NAT10: variants seen among roughly 807,000 people sequenced by gnomAD.
NAT10 encodes RNA cytidine acetyltransferase.
A neutral mutation model predicts 132.2 loss-of-function variants in NAT10; 109 were observed. That is an observed-to-expected ratio of 0.82 (90% CI 0.71 to 0.97). NAT10 has a LOEUF of 0.97. NAT10 is among the 50% of genes least tolerant of loss of function. NAT10 has a pLI of 0.00. For missense variants in NAT10, 1,184 were observed against 1,263.4 expected, an observed-to-expected ratio of 0.94 and a Z score of 0.95; for synonymous variants, 479 against 478.0, an observed-to-expected ratio of 1.00 and a Z score of -0.03.
rs1243846904 is a variant in NAT10, at chr11:34,131,684, TTC to T, written c.1520+155_1520+156del. Among the ~76,000 whole-genome samples, 624 of 150,108 alleles carry T rather than the reference TTC, an allele frequency of 4.2e-3. 6 individuals carry two copies. The highest frequency in any genetic ancestry group is 0.015 in the African/African-American group (608 of 40,286). ...TCCTTTTTCTCTTCCTTTTTTTTTT[TTC>T]TTTCTTTTTTTTTTTTTTGAGATGG... On this transcript the variant is annotated intron_variant, in intron 14 of 28. Coordinates refer to ENST00000257829, the MANE Select transcript of NAT10 (RefSeq NM_024662.3).
Position 34,122,006 on chromosome 11 carries a change from T to C in NAT10, c.781-453T>C, listed in dbSNP as rs2132950263. The stretch of plus-strand genomic sequence containing the variant: ...GCCTGCCCAACATGGTGAAACCCTG[T>C]CTCTACTAAAAATATAAAAACTAGC... On this transcript the variant is annotated intron_variant, in intron 8 of 28. Transcript: ENST00000257829. Among the ~76,000 whole-genome samples, 2 of 151,750 alleles carry C rather than the reference T, an allele frequency of 1.3e-5. 1 individual carries two copies. The highest frequency in any genetic ancestry group is 4.2e-4 in the South Asian group (2 of 4,808).
At chr11:34,133,278 T>G (rs936239294) in intron 16 of NAT10, 136 bp downstream of exon 16, 3 of 693,344 alleles carry the variant, frequency 4.3e-6, no homozygotes, top group Non-Finnish European at 7.6e-6. Context: ...CTGGGTCTGC[T>G]GAGACAGGTG....
chr11:34,141,314 C>A, intron 25 of NAT10, 106 bp downstream of exon 25: 1 of 1,374,398 alleles, frequency 7.3e-7, no homozygotes, highest in Non-Finnish European at 1.0e-6. Context: ...GTGTTTGCTG[C>A]ATCTCGTCAC....
In NAT10 at chr11:34,140,568, A is replaced by G. The variant is rs1214198764; in HGVS notation, c.2588A>G (p.Gln863Arg). ...QLGDLALSAAQSALLLGIGLQ... is the reference protein window; with the variant it reads ...QLGDLALSAARSALLLGIGLQ... ...GGGGACCTGGCCCTGTCTGCGGCTCAGTCGGTATGCTATCTGTTGCTTGCG... is the reference window on the plus strand; with the variant it reads ...GGGGACCTGGCCCTGTCTGCGGCTCGGTCGGTATGCTATCTGTTGCTTGCG... Residue 863 changes from glutamine to arginine, a missense_variant, in exon 24 of 29, where the codon CAG (glutamine) becomes CGG (arginine). By Grantham distance (43) the Gln-to-Arg change is conservative. Transcript: ENST00000257829. The G allele has an allele frequency of 6.2e-7, 1 of 1,613,890 alleles. No homozygotes were observed. Among genetic ancestry groups the G allele is most frequent in the Non-Finnish European group, 8.5e-7 (1 of 1,179,822 alleles).
In NAT10 at chr11:34,113,736, A is replaced by G; in HGVS notation, c.393A>G (p.Pro131=). The G allele has an allele frequency of 6.2e-7, 1 of 1,613,504 alleles. No homozygotes were observed. Among genetic ancestry groups the G allele is most frequent in the East Asian group, 2.2e-5 (1 of 44,860 alleles). ...CVLQDFEALT[P]NLLARTVETV... is the part of the protein sequence containing the mutation. ...TCCAGGATTTTGAAGCCTTAACTCC[A>G]AACTTGCTGGCCAGGACTGTAGAAA... Residue 131 remains proline (P), a synonymous_variant, in exon 5 of 29, where the codon CCA becomes CCG. Transcript: ENST00000257829.
intron 6 of NAT10, 27 bp from the exon 7 acceptor site, chr11:34,118,153 C>A (rs1851817119): frequency 1.3e-6 from 2 of 1,569,580 alleles, no homozygotes; most frequent in Non-Finnish European, 1.8e-6. Context: ...CTCCCCAACA[C>A]TTCATTGCAG....
At position 34,134,330 on chromosome 11, in the gene NAT10, A is replaced by G; in HGVS notation, c.1746A>G (p.Glu582=). Residue 582 remains glutamate, a synonymous_variant, in exon 17 of 29, where the codon GAA becomes GAG. Coordinates refer to ENST00000257829, the MANE Select transcript of NAT10 (RefSeq NM_024662.3). ...TGCTTCCCCCACAGGTGTGCCTTGA[A>G]GGGGAGATTTCTCGCCAGTCCATCT... The part of the protein sequence containing the change: ...EVLAVIQVCL[E]GEISRQSILN... 6.2e-7 allele frequency: 1 copy of G among 1,614,106 alleles called. No individual in the cohort carries two copies. Among genetic ancestry groups the G allele is most frequent in the Non-Finnish European group, 8.5e-7 (1 of 1,179,988 alleles).
chr11:34,139,952 T>A (rs528339123), intron 23 of NAT10, among the ~76,000 whole-genome samples: 1 of 152,246 alleles, frequency 6.6e-6, no homozygotes, highest in African/African-American at 2.4e-5. Context: ...ATATTTTATA[T>A]ATAAATATTT....
chr11:34,131,876 G>A (rs1330355647), intron 14 of NAT10, among the ~76,000 whole-genome samples: 1 of 151,942 alleles, frequency 6.6e-6, no homozygotes, highest in Non-Finnish European at 1.5e-5. Context: ...AGTAGAGACA[G>A]GGTTTCACCA....
At position 34,127,458 on chromosome 11, in the gene NAT10, C is replaced by T. The variant is rs369713684; in HGVS notation, c.1108-5C>T. On this transcript the variant is annotated splice_polypyrimidine_tract_variant and splice_region_variant and intron_variant, in intron 11 of 28. Coordinates refer to ENST00000257829, the MANE Select transcript of NAT10 (RefSeq NM_024662.3). ...GCTAATAATCTAAATTTTCCTTCCCCATAGTATATACATCCTGCAGATGCT... is the reference window on the plus strand; with the variant it reads ...GCTAATAATCTAAATTTTCCTTCCCTATAGTATATACATCCTGCAGATGCT... 5.1e-4 allele frequency: 822 copies of T among 1,603,288 alleles called. No individual in the cohort carries two copies. Among genetic ancestry groups the T allele is most frequent in the Non-Finnish European group, 6.4e-4 (752 of 1,172,476 alleles).
intron 6 of NAT10, among the ~76,000 whole-genome samples, 175 bp from the exon 7 acceptor site, chr11:34,118,005 G>A (rs1265615934): frequency 6.6e-6 from 1 of 152,168 alleles, no homozygotes; most frequent in Non-Finnish European, 1.5e-5. Flanking sequence ...GTATGTTCAG[G>A]TGCCTTGTGG....
Position 34,132,137 on chromosome 11 carries a change from T to C in NAT10, c.1533T>C (p.Asn511=), listed in dbSNP as rs746796226. The change falls in exon 15 of 29, where the codon AAT becomes AAC. Residue 511 remains asparagine (N), a synonymous_variant. Transcript: ENST00000257829. ...ACTCCAGACCCAGGTACTATGTTAA[T>C]AGAGATACCCTCTTTTGCTACCACA... ...LPEACELYYV[N]RDTLFCYHKA... The C allele has an allele frequency of 1.2e-6, 2 of 1,613,566 alleles. No homozygotes were observed. Among genetic ancestry groups the C allele is most frequent in the Non-Finnish European group, 1.7e-6 (2 of 1,179,472 alleles).
intron 16 of NAT10, among the ~76,000 whole-genome samples, 164 bp from the exon 17 acceptor site, chr11:34,134,155 C>T (rs1590776957): frequency 6.6e-6 from 1 of 152,138 alleles, no homozygotes; most frequent in Non-Finnish European, 1.5e-5. Flanking sequence ...CAGAGTGAGA[C>T]TCCATCTCAA....
At chr11:34,116,375 C>T (rs958634363) in intron 6 of NAT10, among the ~76,000 whole-genome samples, 3 of 151,850 alleles carry the variant, frequency 2.0e-5, no homozygotes, top group East Asian at 3.9e-4. Flanking sequence ...ATATGGTGTA[C>T]GGTTTGTTAT....
At position 34,123,802 on chromosome 11, in the gene NAT10, C is replaced by T; in HGVS notation, c.955C>T (p.Leu319Phe). ...IFVTSPSPDN[L>F]HTLFEFVFKG... ...TGTTACCTCCCCAAGCCCTGATAAC[C>T]TCCATACTCTGTTTGAATTTGTATT... is the stretch of plus-strand genomic sequence containing the variant. Residue 319 changes from leucine to phenylalanine, a missense_variant, in exon 10 of 29, where the codon CTC (leucine) becomes TTC (phenylalanine). Coordinates refer to ENST00000257829, the MANE Select transcript of NAT10 (RefSeq NM_024662.3). The T allele has an allele frequency of 1.9e-6, 3 of 1,611,412 alleles. No homozygotes were observed. The highest frequency in any genetic ancestry group is 2.5e-6 in the Non-Finnish European group (3 of 1,177,534).
chr11:34,119,893 T>A (rs1396577341), intron 8 of NAT10, among the ~76,000 whole-genome samples: 1 of 152,208 alleles, frequency 6.6e-6, no homozygotes, highest in Non-Finnish European at 1.5e-5. Flanking sequence ...GAGAAGTTGC[T>A]GGATGAGAGG....
chr11:34,139,598 GT>G, intron 23 of NAT10, 103 bp downstream of exon 23: 1 of 996,206 alleles, frequency 1.0e-6, no homozygotes, highest in Non-Finnish European at 1.6e-6. Context: ...TGAGGGACTG[GT>G]TCTAGCCTGC....
At chr11:34,113,379 C>T (rs10836156) in intron 4 of NAT10, among the ~76,000 whole-genome samples, 60,663 of 151,812 alleles carry the variant, frequency 0.4, 12,314 homozygotes, top group Non-Finnish European at 0.43. Context: ...TTCGTATATT[C>T]GAGGGTTTGG....
chr11:34,111,259 G>A (rs1265590738), intron 3 of NAT10, among the ~76,000 whole-genome samples: 5 of 152,168 alleles, frequency 3.3e-5, no homozygotes, highest in African/African-American at 1.2e-4. Context: ...TGTAAGTCAC[G>A]GGCTTAAGGC....
Sources: gnomAD v4.1 joint callset for allele counts (sites outside exome capture counted in the v4.1 genomes callset) on GRCh38, gnomAD v4.1.1 for gene constraint, MANE v1.5 for transcripts, NCBI Gene and HGNC (gene_info 2026-07-23, HGNC 2026-07-21) for gene names.